The following STX8 variants were observed in gnomAD, a reference collection of about 807,000 sequenced individuals.
STX8 encodes the protein syntaxin-8.
A neutral mutation model predicts 37.5 loss-of-function variants in STX8; 23 were observed. The observed-to-expected ratio is 0.61, with a 90% confidence interval of 0.44 to 0.87. STX8 has a LOEUF of 0.87. Ranked by LOEUF, STX8 falls within the 40% of genes least tolerant of loss-of-function variation. The probability of loss-of-function intolerance (pLI) is 0.00; values close to 1 mark genes in which losing one functional copy is unlikely to be tolerated. For synonymous variants in STX8, 115 were observed against 99.1 expected (o/e 1.16, Z -0.95); for missense variants, 313 against 284.7 (o/e 1.10, Z -0.71).
intron 7 of STX8, among the ~76,000 whole-genome samples, chr17:9,335,819 A>G (rs1910119037): frequency 1.0e-5 from 1 of 96,798 alleles, no homozygotes; most frequent in Non-Finnish European, 2.2e-5. Flanking sequence ...TCTCTCACAC[A>G]CACACACACG....
intron 4 of STX8, among the ~76,000 whole-genome samples, chr17:9,512,514 G>A (rs1480224235): frequency 3.3e-5 from 5 of 151,708 alleles, no homozygotes. Context: ...CCCAGCTGGA[G>A]TGCAGTGATG....
chr17:9,315,508 G>A (rs1395781316), intron 7 of STX8, among the ~76,000 whole-genome samples: 1 of 152,136 alleles, frequency 6.6e-6, no homozygotes, highest in East Asian at 1.9e-4. Flanking sequence ...CACCCCAGAG[G>A]GAAAATGTGG....
At chr17:9,270,330 C>T (rs1034546992) in intron 7 of STX8, among the ~76,000 whole-genome samples, 6 of 152,248 alleles carry the variant, frequency 3.9e-5, no homozygotes, top group East Asian at 3.9e-4. Context: ...CTGCAAGCAC[C>T]GCCGTCTCCT....
At chr17:9,345,025 T>TA (rs1400301347) in intron 7 of STX8, among the ~76,000 whole-genome samples, 3 of 152,134 alleles carry the variant, frequency 2.0e-5, no homozygotes, top group African/African-American at 7.2e-5. Context: ...AGACAGGTGA[T>TA]ATGGCATCCT....
chr17:9,318,531 A>G lies in STX8; in HGVS notation c.643+60021T>C, dbSNP rs148384128. ...TAACCATGTTTTGACATTTCAGAACAGCAACAAAAGAAAGGCCCTAAAAGC... is the reference window on the plus strand; with the variant it reads ...TAACCATGTTTTGACATTTCAGAACGGCAACAAAAGAAAGGCCCTAAAAGC... On this transcript the variant is annotated intron_variant, in intron 7 of 7. Transcript: ENST00000306357. Among the ~76,000 whole-genome samples, 426 of 152,332 alleles carry G rather than the reference A, an allele frequency of 2.8e-3. 1 individual carries two copies. Among genetic ancestry groups the G allele is most frequent in the African/African-American group, 9.8e-3 (406 of 41,590 alleles).
chr17:9,556,235 T>G (rs1906959480), intron 3 of STX8, among the ~76,000 whole-genome samples: 1 of 152,192 alleles, frequency 6.6e-6, no homozygotes, highest in South Asian at 2.1e-4. Context: ...GCTGTATTCC[T>G]GTATTTCCTT....
intron 6 of STX8, among the ~76,000 whole-genome samples, chr17:9,404,580 G>A (rs374548331): frequency 2.6e-5 from 4 of 151,854 alleles, no homozygotes; most frequent in Admixed American, 1.3e-4. Context: ...TCAGCCTCCC[G>A]AGTGGCTGGG....
intron 7 of STX8, among the ~76,000 whole-genome samples, chr17:9,304,525 A>AAAAAAAAAAAAAAAAG (rs1908899536): frequency 6.8e-6 from 1 of 147,058 alleles, no homozygotes; most frequent in Non-Finnish European, 1.5e-5. Context: ...AAAAAAAAAA[A>AAAAAAAAAAAAAAAAG]AAAAGAAAAA....
chr17:9,326,701 C>T (rs1909765207), intron 7 of STX8, among the ~76,000 whole-genome samples: 1 of 152,162 alleles, frequency 6.6e-6, no homozygotes, highest in African/African-American at 2.4e-5. Context: ...TGCATTCCAA[C>T]ACAGAAGGGA....
In STX8 at chr17:9,346,722, C is replaced by T. The variant is rs181111805; in HGVS notation, c.643+31830G>A. On this transcript the variant is annotated intron_variant, in intron 7 of 7. Transcript: ENST00000306357. ...CTCCCTAGAGCTTCTAACTTGCTGA[C>T]TGGCCACAGTGACACCATAGGGGTG... Among the ~76,000 whole-genome samples, 11 of 152,344 alleles carry T rather than the reference C, an allele frequency of 7.2e-5. No homozygotes were observed. The East Asian group carries it at 1.5e-3, about 21-fold the overall frequency.
At chr17:9,286,160 C>T (rs1908063876) in intron 7 of STX8, among the ~76,000 whole-genome samples, 2 of 152,204 alleles carry the variant, frequency 1.3e-5, no homozygotes, top group Non-Finnish European at 2.9e-5. Flanking sequence ...AGCAGTTCAG[C>T]TCTCTTGATT....
chr17:9,360,487 C>T (rs575375813), intron 7 of STX8, among the ~76,000 whole-genome samples: 45 of 151,724 alleles, frequency 3.0e-4, no homozygotes, highest in Admixed American at 7.9e-4. Context: ...CTGCCTGCCT[C>T]GGCCTCCCAA....
At chr17:9,508,776 AAAG>A (rs1904931764) in intron 4 of STX8, among the ~76,000 whole-genome samples, 2 of 152,372 alleles carry the variant, frequency 1.3e-5, no homozygotes, top group African/African-American at 2.4e-5. Flanking sequence ...CAGAAAGAGA[AAAG>A]AAGGGCAAAT....
intron 6 of STX8, among the ~76,000 whole-genome samples, chr17:9,430,817 T>A (rs957449968): frequency 6.6e-6 from 1 of 151,842 alleles, no homozygotes; most frequent in Admixed American, 6.6e-5. Flanking sequence ...GCCTGGCTAA[T>A]TTTTTGTATT....
intron 7 of STX8, among the ~76,000 whole-genome samples, chr17:9,341,173 A>G (rs1167611527): frequency 6.6e-6 from 1 of 151,992 alleles, no homozygotes; most frequent in South Asian, 2.1e-4. Context: ...GAAAAATCAG[A>G]AGAGACTGCG....
intron 4 of STX8, among the ~76,000 whole-genome samples, chr17:9,542,427 C>G (rs1335256885): frequency 6.6e-6 from 1 of 151,962 alleles, no homozygotes; most frequent in Non-Finnish European, 1.5e-5. Context: ...CCTGTAATCC[C>G]AGCACTTTGG....
intron 7 of STX8, among the ~76,000 whole-genome samples, chr17:9,288,564 A>C (rs2142160922): frequency 6.6e-6 from 1 of 152,266 alleles, no homozygotes; most frequent in African/African-American, 2.4e-5. Flanking sequence ...CGGGAGGCTG[A>C]GGCAGGAGAA....
intron 6 of STX8, among the ~76,000 whole-genome samples, chr17:9,408,974 C>T (rs1032194316): frequency 1.3e-5 from 2 of 152,060 alleles, no homozygotes; most frequent in Admixed American, 1.3e-4. Flanking sequence ...GGCCAAGCCA[C>T]AAACTGGAAA....
intron 7 of STX8, among the ~76,000 whole-genome samples, chr17:9,370,533 G>A (rs1482955192): frequency 1.3e-5 from 2 of 152,186 alleles, no homozygotes; most frequent in East Asian, 1.9e-4. Flanking sequence ...ATTCAGATGA[G>A]CTGAAGGCAG....
Sources: allele counts gnomAD v4.1 joint callset (sites outside exome capture counted in the v4.1 genomes callset), GRCh38; gene constraint gnomAD v4.1.1; transcripts MANE v1.5; gene names NCBI Gene and HGNC (gene_info 2026-07-23, HGNC 2026-07-21).